PRSS3: variants seen among roughly 807,000 people sequenced by gnomAD.
PRSS3 encodes the protein trypsin-3.
Under a neutral mutation model 20.8 loss-of-function variants are expected in PRSS3, and 14 were observed. That is an observed-to-expected ratio of 0.67 (90% CI 0.44 to 1.05). The LOEUF (loss-of-function observed/expected upper bound fraction) is 1.05. Among genes scored for constraint, PRSS3 ranks in the 50% least tolerant of loss-of-function variants. The pLI is 0.00. For synonymous variants in PRSS3, 91 were observed against 117.6 expected, an observed-to-expected ratio of 0.77 and a Z score of 1.46; for missense variants, 237 against 306.4, an observed-to-expected ratio of 0.77 and a Z score of 1.69.
At chr9:33,796,068 T>C (rs939147627) in intron 1 of PRSS3, among the ~76,000 whole-genome samples, 1 of 152,224 alleles carries the variant, frequency 6.6e-6, no homozygotes. Flanking sequence ...TCCCAGGTGA[T>C]TTTTAACGTT....
upstream of PRSS3, among the ~76,000 whole-genome samples, chr9:33,792,932 G>C (rs1350844070): frequency 8.5e-5 from 13 of 152,216 alleles, no homozygotes; most frequent in Non-Finnish European, 4.4e-5. Context: ...AGGATGAAGA[G>C]TACCAAGAAT....
At chr9:33,771,492 A>AT (rs1237079534) in intron 1 of PRSS3, among the ~76,000 whole-genome samples, 2 of 151,092 alleles carry the variant, frequency 1.3e-5, no homozygotes, top group Non-Finnish European at 3.0e-5. Flanking sequence ...CGCCCGGCTG[A>AT]TTTTTGTATT....
chr9:33,794,772 T>TA (rs1824822248), upstream of PRSS3: 4 of 1,550,376 alleles, frequency 2.6e-6, no homozygotes, highest in Non-Finnish European at 3.5e-6. Flanking sequence ...TGAGGCTGCA[T>TA]AAAAAGAACC....
intron 1 of PRSS3, among the ~76,000 whole-genome samples, chr9:33,755,173 C>G (rs1053300016): frequency 1.3e-5 from 2 of 152,168 alleles, no homozygotes; most frequent in Non-Finnish European, 2.9e-5. Context: ...TTGAGAAACA[C>G]CGAATGTCGG....
intron 1 of PRSS3, among the ~76,000 whole-genome samples, chr9:33,767,037 C>G (rs1410232910): frequency 6.6e-6 from 1 of 151,152 alleles, no homozygotes; most frequent in Non-Finnish European, 1.5e-5. Context: ...TCAGAGCCAT[C>G]AGGAAAAACT....
chr9:33,754,851 C>T (rs541535535), intron 1 of PRSS3, among the ~76,000 whole-genome samples: 1 of 152,168 alleles, frequency 6.6e-6, no homozygotes, highest in East Asian at 1.9e-4. Flanking sequence ...GTAATAATAA[C>T]AAAATAGGAA....
intron 1 of PRSS3, among the ~76,000 whole-genome samples, chr9:33,777,711 A>C (rs946058010): frequency 9.3e-5 from 14 of 150,592 alleles, no homozygotes; most frequent in African/African-American, 3.2e-4. Context: ...GCGTCTCAAA[A>C]AAAAAAAAAA....
At chr9:33,770,314 A>G (rs1823627782) in intron 1 of PRSS3, among the ~76,000 whole-genome samples, 1 of 152,210 alleles carries the variant, frequency 6.6e-6, no homozygotes, top group African/African-American at 2.4e-5. Flanking sequence ...AAAGGTTCAC[A>G]GCTGGAGAAG....
chr9:33,779,867 TAAAAAAAAAAAAAAAAA>T (rs35501160), intron 1 of PRSS3, among the ~76,000 whole-genome samples: 10 of 31,854 alleles, frequency 3.1e-4, no homozygotes, highest in African/African-American at 1.6e-3. Context: ...AGACTCTGTC[TAAAAAAAAAAAAAAAAA>T]AAAAAAAAAA....
At chr9:33,765,009 T>G (rs540996111) in intron 1 of PRSS3, among the ~76,000 whole-genome samples, 1 of 152,224 alleles carries the variant, frequency 6.6e-6, no homozygotes, top group South Asian at 2.1e-4. Flanking sequence ...TTGGCAAAGA[T>G]GTGAAGAAAC....
At chr9:33,793,588 C>G (rs1824741301), upstream of PRSS3, 2 of 699,280 alleles carry the variant, frequency 2.9e-6, no homozygotes, top group South Asian at 6.5e-5. Context: ...GGAAGAAAAG[C>G]AGGAGGAAGG....
At chr9:33,751,787 A>G (rs539119130) in intron 1 of PRSS3, among the ~76,000 whole-genome samples, 1 of 152,268 alleles carries the variant, frequency 6.6e-6, no homozygotes, top group Non-Finnish European at 1.5e-5. Flanking sequence ...TTTCAGTATA[A>G]CCTGGGTGTT....
chr9:33,765,786 T>G (rs1042392000), intron 1 of PRSS3, among the ~76,000 whole-genome samples: 2 of 152,224 alleles, frequency 1.3e-5, no homozygotes, highest in Non-Finnish European at 2.9e-5. Flanking sequence ...TAACTGAAAC[T>G]GCAGAAAGCA....
intron 1 of PRSS3, among the ~76,000 whole-genome samples, chr9:33,766,465 C>T (rs1393674956): frequency 6.6e-6 from 1 of 151,708 alleles, no homozygotes; most frequent in Non-Finnish European, 1.5e-5. Flanking sequence ...CCCAGCTACT[C>T]GGGAGGCTGA....
chr9:33,783,670 C>G (rs1371621133), intron 1 of PRSS3, among the ~76,000 whole-genome samples: 1 of 151,992 alleles, frequency 6.6e-6, no homozygotes, highest in Non-Finnish European at 1.5e-5. Context: ...AACCACATTG[C>G]TAATTAAAGA....
intron 1 of PRSS3, among the ~76,000 whole-genome samples, chr9:33,761,393 A>G (rs1823196399): frequency 6.6e-6 from 1 of 152,148 alleles, no homozygotes; most frequent in Non-Finnish European, 1.5e-5. Flanking sequence ...GTATCTAAAC[A>G]TGGAAAACAT....
intron 1 of PRSS3, chr9:33,786,617 A>G (rs1824423270): frequency 1.3e-6 from 1 of 766,334 alleles, no homozygotes; most frequent in Non-Finnish European, 2.4e-6. Context: ...TCAAGTCGAC[A>G]GCCAAGTCAC....
intron 1 of PRSS3, among the ~76,000 whole-genome samples, chr9:33,763,206 G>C (rs1823278910): frequency 6.6e-6 from 1 of 152,208 alleles, no homozygotes; most frequent in Admixed American, 6.5e-5. Flanking sequence ...GTTGACTTAA[G>C]TCTTTTCTAA....
At chr9:33,768,931 G>A (rs1563959387) in intron 1 of PRSS3, among the ~76,000 whole-genome samples, 1 of 152,178 alleles carries the variant, frequency 6.6e-6, no homozygotes, top group African/African-American at 2.4e-5. Flanking sequence ...ATCAGGAACA[G>A]CATGTTGGTT....
Sources: allele counts gnomAD v4.1 joint callset (sites outside exome capture counted in the v4.1 genomes callset), GRCh38; gene constraint gnomAD v4.1.1; transcripts MANE v1.5; gene names NCBI Gene and HGNC (gene_info 2026-07-23, HGNC 2026-07-21).